CCT6B: variants seen among roughly 807,000 people sequenced by gnomAD.
CCT6B encodes the protein probable T-complex protein 1 subunit zeta-2.
In CCT6B, 49 loss-of-function variants were observed where a neutral mutation model predicts 61.5. The observed-to-expected ratio is 0.80, with a 90% CI of 0.63 to 1.01. CCT6B has a LOEUF of 1.01. CCT6B is among the 50% of genes least tolerant of loss of function. CCT6B has a pLI of 0.00. For synonymous variants in CCT6B, 228 were observed against 214.5 expected (o/e 1.06, Z -0.55); for missense variants, 666 against 634.7 (o/e 1.05, Z -0.53).
intron 5 of CCT6B, among the ~76,000 whole-genome samples, chr17:34,945,297 G>A (rs1189056402): frequency 2.6e-5 from 4 of 152,054 alleles, no homozygotes; most frequent in East Asian, 1.9e-4. Flanking sequence ...TTCTGAATTC[G>A]AGACACATCT....
At chr17:34,938,666 G>A (rs937658089) in intron 10 of CCT6B, among the ~76,000 whole-genome samples, 1 of 152,076 alleles carries the variant, frequency 6.6e-6, no homozygotes, top group African/African-American at 2.4e-5. Flanking sequence ...AGGAGTTCAG[G>A]ACCAACCTTG....
chr17:34,933,250 A>T (rs943886940), intron 10 of CCT6B, among the ~76,000 whole-genome samples: 2 of 152,218 alleles, frequency 1.3e-5, no homozygotes, highest in Non-Finnish European at 2.9e-5. Flanking sequence ...TCAAACTGCT[A>T]TCTAAGAAAA....
chr17:34,935,096 C>T (rs1203498543), intron 10 of CCT6B, among the ~76,000 whole-genome samples: 1 of 152,124 alleles, frequency 6.6e-6, no homozygotes, highest in Non-Finnish European at 1.5e-5. Context: ...AATTCTGGCA[C>T]ATGCTACAAC....
In CCT6B at chr17:34,958,623, A is replaced by C; in HGVS notation, c.273T>G (p.Gly91=). ...ATAQDDVTGD[G]TTSNVLIIGE... is the part of the protein sequence containing the mutation. ...CAATAATTAGAACATTTGAAGTAGT[A>C]CCATCTCCTGTGACGTCATCCTGAG... Residue 91 remains glycine (G), a synonymous_variant, in exon 3 of 14, where the codon GGT becomes GGG. Coordinates refer to ENST00000314144, the MANE Select transcript of CCT6B (RefSeq NM_006584.4). 6.2e-7 allele frequency: 1 copy of C among 1,604,374 alleles called. No homozygotes were observed. Among genetic ancestry groups the C allele is most frequent in the Non-Finnish European group, 8.5e-7 (1 of 1,174,250 alleles).
At chr17:34,934,275 T>C (rs2090070549) in intron 10 of CCT6B, among the ~76,000 whole-genome samples, 1 of 152,076 alleles carries the variant, frequency 6.6e-6, no homozygotes, top group Non-Finnish European at 1.5e-5. Flanking sequence ...CTACAGATTC[T>C]ACAGATATTA....
At chr17:34,928,241 C>T (rs1216503913) in intron 13 of CCT6B, 124 bp from the exon 14 acceptor site, 2 of 534,240 alleles carry the variant, frequency 3.7e-6, no homozygotes, top group African/African-American at 2.0e-5. Flanking sequence ...TTTTATGAGA[C>T]AAGGCTATTA....
At chr17:34,960,477 T>C (rs925212482) in intron 1 of CCT6B, among the ~76,000 whole-genome samples, 14 of 152,344 alleles carry the variant, frequency 9.2e-5, no homozygotes, top group African/African-American at 3.1e-4. Context: ...TGATCAAACA[T>C]GTTACTTAAG....
At position 34,954,479 on chromosome 17, in the gene CCT6B, T is replaced by C. The variant is rs2090327073; in HGVS notation, c.457A>G (p.Arg153Gly). 2.5e-6 allele frequency: 4 copies of C among 1,613,502 alleles called. No individual in the cohort carries two copies. The highest frequency in any genetic ancestry group is 3.4e-6 in the Non-Finnish European group (4 of 1,179,662). ...MKRKILLDVARTSLQTKVHAE... is the reference protein window; with the variant it reads ...MKRKILLDVAGTSLQTKVHAE... ...TGAACTTTAGTTTGTAATGATGTTCTAGCTACATCTAAGAGGATTTTTCTT... is the reference window on the plus strand; with the variant it reads ...TGAACTTTAGTTTGTAATGATGTTCCAGCTACATCTAAGAGGATTTTTCTT... Residue 153 changes from arginine to glycine, a missense_variant, in exon 4 of 14, where the codon AGA becomes GGA. Coordinates refer to ENST00000314144, the MANE Select transcript of CCT6B (RefSeq NM_006584.4).
chr17:34,929,107 A>G, intron 12 of CCT6B, 73 bp from the exon 13 acceptor site: 1 of 905,860 alleles, frequency 1.1e-6, no homozygotes, highest in South Asian at 1.5e-5. Context: ...TCTTCTAAAA[A>G]TATTTAATAC....
intron 11 of CCT6B, among the ~76,000 whole-genome samples, chr17:34,931,561 C>T (rs143370984): frequency 6.6e-5 from 10 of 152,160 alleles, no homozygotes; most frequent in Middle Eastern, 3.4e-3. Flanking sequence ...TTCCAAGTGG[C>T]CCCAAATCAC....
intron 7 of CCT6B, among the ~76,000 whole-genome samples, chr17:34,941,332 A>C (rs1166846830): frequency 6.6e-6 from 1 of 152,190 alleles, no homozygotes; most frequent in Non-Finnish European, 1.5e-5. Flanking sequence ...CCACATGTTG[A>C]CACATTTCAT....
At chr17:34,934,101 C>A (rs2090067757) in intron 10 of CCT6B, among the ~76,000 whole-genome samples, 1 of 149,002 alleles carries the variant, frequency 6.7e-6, no homozygotes, top group Non-Finnish European at 1.5e-5. Flanking sequence ...TGCACTCCAG[C>A]CTAGGTGACA....
rs146743541 is a variant in CCT6B, at chr17:34,941,862, C to T, written c.885+622G>A. Among the ~76,000 whole-genome samples the T allele has an allele frequency of 4.0e-3, 609 of 152,212 alleles. 5 individuals carry two copies. Among genetic ancestry groups the T allele is most frequent in the African/African-American group, 0.014 (586 of 41,512 alleles). ...GACCAGCCTGCACAACATGGCAATA[C>T]CCAGCCTCTACGAAAAAACTTAAAA... On this transcript the variant is annotated intron_variant, in intron 7 of 13. Transcript: ENST00000314144.
chr17:34,957,067 C>T (rs745471735), intron 3 of CCT6B, among the ~76,000 whole-genome samples: 20 of 152,240 alleles, frequency 1.3e-4, no homozygotes, highest in South Asian at 4.1e-4. Flanking sequence ...CCTCAGCCTC[C>T]CAAAGTGCTG....
intron 3 of CCT6B, among the ~76,000 whole-genome samples, chr17:34,957,369 C>A (rs1411435087): frequency 6.6e-6 from 1 of 151,978 alleles, no homozygotes; most frequent in Non-Finnish European, 1.5e-5. Flanking sequence ...GTCTCGAACT[C>A]CCGACCTCAG....
At chr17:34,932,857 C>T (rs1321400537) in intron 10 of CCT6B, among the ~76,000 whole-genome samples, 1 of 152,164 alleles carries the variant, frequency 6.6e-6, no homozygotes, top group Non-Finnish European at 1.5e-5. Flanking sequence ...TCTTGACTCA[C>T]TCCAACCTCT....
chr17:34,947,705 G>T (rs1380104898), intron 5 of CCT6B, among the ~76,000 whole-genome samples: 1 of 152,172 alleles, frequency 6.6e-6, no homozygotes, highest in East Asian at 1.9e-4. Context: ...CAGATGGCTG[G>T]GCGCGGTGGC....
At chr17:34,941,975 C>T (rs781651187) in intron 7 of CCT6B, among the ~76,000 whole-genome samples, 180 of 151,860 alleles carry the variant, frequency 1.2e-3, no homozygotes, top group Non-Finnish European at 2.3e-3. Flanking sequence ...GAGGTCAACG[C>T]TGTAGTGAGC....
At chr17:34,947,513 A>G (rs2090237534) in intron 5 of CCT6B, among the ~76,000 whole-genome samples, 1 of 152,246 alleles carries the variant, frequency 6.6e-6, no homozygotes, top group African/African-American at 2.4e-5. Context: ...GCTGAAAGAA[A>G]CTAACTGCCA....
Sources: allele counts gnomAD v4.1 joint callset (sites outside exome capture counted in the v4.1 genomes callset), GRCh38; gene constraint gnomAD v4.1.1; transcripts MANE v1.5; gene names NCBI Gene and HGNC (gene_info 2026-07-23, HGNC 2026-07-21).